Variants in RGS3 observed in about 807,000 individuals in gnomAD.
RGS3 encodes regulator of G-protein signalling 3.
Under a neutral mutation model 132.6 loss-of-function variants are expected in RGS3, and 80 were observed. The ratio of observed to expected loss-of-function variants is 0.60; its 90% confidence interval spans 0.50 to 0.73. The LOEUF is 0.73. Ranked by LOEUF, RGS3 falls within the 30% of genes least tolerant of loss-of-function variation. The probability of loss-of-function intolerance (pLI) is 0.00; values close to 1 mark genes in which losing one functional copy is unlikely to be tolerated. For synonymous variants in RGS3, 598 were observed against 620.6 expected (o/e 0.96, Z 0.54); for missense variants, 1,382 against 1,530.8 (o/e 0.90, Z 1.62).
At chr9:113,520,251 C>T (rs558571829) in intron 16 of RGS3, among the ~76,000 whole-genome samples, 6 of 152,348 alleles carry the variant, frequency 3.9e-5, no homozygotes, top group East Asian at 1.9e-4. Flanking sequence ...CATGGGCTGC[C>T]GTGGCCCCTG....
In RGS3 at chr9:113,586,159, C is replaced by T. The variant is rs535412422; in HGVS notation, c.3015+1732C>T. On this transcript the variant is annotated intron_variant, in intron 20 of 24. Coordinates refer to ENST00000350696, the Ensembl canonical transcript of RGS3. ...TTAGGCCATTTCTTGATGGTTTCTA[C>T]AGGAGAGAGTCCGGAACGCTGTCCT... Among the ~76,000 whole-genome samples the T allele has an allele frequency of 2.6e-5, 4 of 152,276 alleles. No individual in the cohort carries two copies. In the South Asian group the frequency reaches 8.3e-4, roughly 32 times the overall value.
intron 19 of RGS3, among the ~76,000 whole-genome samples, chr9:113,572,710 C>G (rs1310199731): frequency 6.6e-6 from 1 of 152,244 alleles, no homozygotes. Context: ...GAACTCTGAT[C>G]TTTCTAGGCT....
chr9:113,499,551 G>A (rs1041281518), intron 10 of RGS3, among the ~76,000 whole-genome samples: 1 of 152,240 alleles, frequency 6.6e-6, no homozygotes, highest in African/African-American at 2.4e-5. Flanking sequence ...CAATATCGGC[G>A]TATTACAATC....
At chr9:113,532,113 A>G (rs925255844) in intron 18 of RGS3, among the ~76,000 whole-genome samples, 1 of 152,092 alleles carries the variant, frequency 6.6e-6, no homozygotes, top group Admixed American at 6.5e-5. Flanking sequence ...ACCACCCCAT[A>G]GTCAGGAGGC....
At chr9:113,557,588 G>A (rs1833618577) in intron 19 of RGS3, among the ~76,000 whole-genome samples, 1 of 152,250 alleles carries the variant, frequency 6.6e-6, no homozygotes, top group Non-Finnish European at 1.5e-5. Flanking sequence ...GGTCTGGTCA[G>A]GCAGATCTCA....
At chr9:113,467,538 T>A (rs888334550) in intron 3 of RGS3, among the ~76,000 whole-genome samples, 1 of 152,228 alleles carries the variant, frequency 6.6e-6, no homozygotes, top group Non-Finnish European at 1.5e-5. Flanking sequence ...TGGAGAAGAA[T>A]GTATTCAGAT....
chr9:113,578,042 G>A (rs891996889), intron 19 of RGS3, among the ~76,000 whole-genome samples: 4 of 152,222 alleles, frequency 2.6e-5, no homozygotes, highest in Non-Finnish European at 5.9e-5. Context: ...TCAGGAAAGC[G>A]GTCAGGGCTG....
chr9:113,483,196 C>T, intron 5 of RGS3, 79 bp downstream of exon 3: 1 of 983,226 alleles, frequency 1.0e-6, no homozygotes, highest in Non-Finnish European at 1.6e-6. Context: ...TCCCAGCACA[C>T]CTGTGGGGCT....
chr9:113,557,605 G>A (rs141779434), intron 19 of RGS3, among the ~76,000 whole-genome samples: 2 of 152,224 alleles, frequency 1.3e-5, no homozygotes, highest in Admixed American at 6.5e-5. Flanking sequence ...CTCAGATGTC[G>A]TCTACTTCTC....
chr9:113,579,725 A>G lies in RGS3; in HGVS notation c.2038-3725A>G, dbSNP rs148816530. ...TAGTTGTCTAACCTCTGTTTTTTCT[A>G]CTTAACTGAGGGCAGAGATTGTGTC... On this transcript the variant is annotated intron_variant, in intron 19 of 24. Transcript: ENST00000350696. The surrounding 1 kb of genome is among the most constrained non-coding windows in gnomAD (Gnocchi z 4.3). 1.0e-3 allele frequency among the ~76,000 whole-genome samples: 159 copies of G among 152,058 alleles called. No homozygotes were observed. The highest frequency in any genetic ancestry group is 3.6e-3 in the African/African-American group (151 of 41,480).
intron 9 of RGS3, among the ~76,000 whole-genome samples, 186 bp from the exon 8 acceptor site, chr9:113,497,839 C>G (rs559821416): frequency 6.6e-6 from 1 of 152,260 alleles, no homozygotes; most frequent in African/African-American, 2.4e-5. Flanking sequence ...TCTGCCTTTC[C>G]CACATGCAGC....
At chr9:113,542,301 G>A (rs891488042) in intron 19 of RGS3, among the ~76,000 whole-genome samples, 4 of 152,218 alleles carry the variant, frequency 2.6e-5, no homozygotes, top group Non-Finnish European at 5.9e-5. Context: ...GGAGCTTAGT[G>A]AGGTGCAAGA....
chr9:113,538,378 C>G (rs1169996739), intron 19 of RGS3, among the ~76,000 whole-genome samples: 1 of 152,226 alleles, frequency 6.6e-6, no homozygotes, highest in Non-Finnish European at 1.5e-5. Context: ...AGGCCGCTTC[C>G]TCTTCATTGG....
Position 113,565,686 on chromosome 9 carries a change from G to A in RGS3, c.2038-17764G>A, listed in dbSNP as rs2118847013. The stretch of plus-strand genomic sequence containing the variant: ...GAAACCTGGGCGGGCGAGCTGGCAG[G>A]AGCGGCAGCCAGGAGTCGCCTGGGT... On this transcript the variant is annotated intron_variant, in intron 19 of 24. Coordinates refer to ENST00000350696, the Ensembl canonical transcript of RGS3. The surrounding 1 kb of genome is among the most constrained non-coding windows in gnomAD (Gnocchi z 5.7). 1 of 277,182 alleles carries A rather than the reference G, an allele frequency of 3.6e-6. No homozygotes were observed. The highest frequency in any genetic ancestry group is 2.2e-5 in the African/African-American group (1 of 44,892). The allele number at this position is 277,182 out of a possible 1,614,324, so 17.2% of individuals were successfully genotyped here. A position where few individuals can be genotyped will look rare whatever the true frequency, so the allele number is the denominator to read the frequency against.
intron 18 of RGS3, among the ~76,000 whole-genome samples, chr9:113,530,351 G>C (rs1290564904): frequency 6.6e-6 from 1 of 152,260 alleles, no homozygotes; most frequent in Non-Finnish European, 1.5e-5. Flanking sequence ...CATTGCTGGG[G>C]CTCAGCTGGG....
chr9:113,495,511 C>T (rs1026876942), intron 7 of RGS3, among the ~76,000 whole-genome samples: 9 of 152,186 alleles, frequency 5.9e-5, no homozygotes, highest in African/African-American at 1.7e-4. Flanking sequence ...CATGAAGTAC[C>T]GCTGAGCTTC....
At position 113,488,825 on chromosome 9, in the gene RGS3, C is replaced by T. The variant is rs374641716; in HGVS notation, c.689+3132C>T. ...CACGCAGGCCGGCCTGGCCTCCTTG[C>T]GCTCTCCTTTTCCTCTCTCCTTTAT... is the stretch of plus-strand genomic sequence containing the variant. On this transcript the variant is annotated intron_variant, in intron 7 of 24. Transcript: ENST00000350696. Among the ~76,000 whole-genome samples, 21 of 152,360 alleles carry T rather than the reference C, an allele frequency of 1.4e-4. 1 individual carries two copies. The highest frequency in any genetic ancestry group is 2.0e-4 in the Admixed American group (3 of 15,314).
chr9:113,512,199 G>A (rs114133679), intron 14 of RGS3, among the ~76,000 whole-genome samples: 1,736 of 152,292 alleles, frequency 0.011, 28 homozygotes, highest in African/African-American at 0.039. Flanking sequence ...TCAAGCTCGG[G>A]TGTCTTATCC....
chr9:113,552,303 T>C (rs563655460), intron 19 of RGS3, among the ~76,000 whole-genome samples: 3 of 152,156 alleles, frequency 2.0e-5, no homozygotes, highest in South Asian at 4.1e-4. Context: ...TCCCCCCTCT[T>C]CTCATACATT....
Sources: allele counts gnomAD v4.1 joint callset (sites outside exome capture counted in the v4.1 genomes callset), GRCh38; gene constraint gnomAD v4.1.1; non-coding constraint Gnocchi (gnomAD v3.1); transcripts MANE v1.5; gene names NCBI Gene and HGNC (gene_info 2026-07-23, HGNC 2026-07-21).